The following TRIM48 variants were observed in gnomAD, a reference collection of about 807,000 sequenced individuals.
TRIM48 encodes the protein E3 ubiquitin-protein ligase TRIM48.
Under a neutral mutation model 29.5 loss-of-function variants are expected in TRIM48, and 31 were observed. The ratio of observed to expected loss-of-function variants is 1.05; its 90% CI spans 0.79 to 1.42. TRIM48 has a LOEUF of 1.42. Among genes scored for constraint, TRIM48 ranks in the 40% most tolerant of loss-of-function variants. TRIM48 has a pLI of 0.00. For synonymous variants in TRIM48, 128 were observed against 90.6 expected (o/e 1.41, Z -2.34); for missense variants, 344 against 265.0 (o/e 1.30, Z -2.07).
chr11:55,262,666 G>T (rs1857322546), intron 1 of TRIM48, among the ~76,000 whole-genome samples: 1 of 152,094 alleles, frequency 6.6e-6, no homozygotes, highest in East Asian at 1.9e-4. Context: ...AGACATTAAT[G>T]AATGTTCATT....
intron 3 of TRIM48, 102 bp downstream of exon 3, chr11:55,265,797 C>CAAAA (rs34036307): frequency 5.5e-4 from 465 of 848,356 alleles, no homozygotes; most frequent in East Asian, 1.8e-3. Flanking sequence ...TTCTGGGAGT[C>CAAAA]AAAAAAAAAA....
rs200362054 is a variant in TRIM48, at chr11:55,269,261, C to G, written c.598C>G (p.His200Asp). 30 of 1,575,704 alleles carry G rather than the reference C, an allele frequency of 1.9e-5. 4 individuals are homozygous for G. Among genetic ancestry groups the G allele is most frequent in the Non-Finnish European group, 2.5e-5 (29 of 1,166,020 alleles). ...TTGCAGGAGTGAGTCCGTGCTGCTG[C>G]ACATGCCCCAGCCTCTGAATCTAGC... ...ILYRSESVLL[H>D]MPQPLNLALR... The change falls in exon 5 of 6, where the codon CAC (histidine) becomes GAC (aspartate). Residue 200 changes from histidine to aspartate, a missense_variant. Physicochemically the swap from His to Asp is moderately conservative, Grantham distance 81. Transcript: ENST00000417545.
chr11:55,265,277 G>T lies in TRIM48; in HGVS notation c.422G>T (p.Arg141Ile). 5.7e-6 allele frequency: 9 copies of T among 1,582,394 alleles called. 1 individual carries two copies. The highest frequency in any genetic ancestry group is 7.7e-6 in the Non-Finnish European group (9 of 1,166,112). Residue 141 changes from arginine to isoleucine, a missense_variant, in exon 2 of 6, where the codon AGA (arginine) becomes ATA (isoleucine). By Grantham distance (97) the Arg-to-Ile change is moderately conservative. Transcript: ENST00000417545. ...AGCTCTCAGGAGCACCGGTATCACA[G>T]ACACTGTCCCGCTGAGTGGGCTGCT... ...CSSSQEHRYH[R>I]HCPAEWAAEE...
At chr11:55,269,810 T>G (rs1357533505) in intron 5 of TRIM48, among the ~76,000 whole-genome samples, 1 of 147,512 alleles carries the variant, frequency 6.8e-6, no homozygotes, top group Admixed American at 6.9e-5. Flanking sequence ...TGGGTAAAAA[T>G]AAAAAGAAAT....
At chr11:55,267,709 T>A in intron 3 of TRIM48, 1 of 1,529,694 alleles carries the variant, frequency 6.5e-7, no homozygotes, top group Admixed American at 1.9e-5. Context: ...ATGGCTGAAA[T>A]CCATCTCCCT....
rs1292562590 is a variant in TRIM48 at position 55,262,256 on chromosome 11, C to A, written c.-12C>A. The stretch of plus-strand genomic sequence containing the variant: ...AATGAGCTCCTGACCTTGAGGAGTA[C>A]TTAACAGAATTATGTCTCGAAGAAT... On this transcript the variant is annotated 5_prime_UTR_variant, in exon 1 of 6. Transcript: ENST00000417545. The A allele has an allele frequency of 3.2e-6, 5 of 1,548,476 alleles. No homozygotes were observed. In the Admixed American group the frequency reaches 9.8e-5, roughly 30 times the overall value.
rs201031596 is a variant in TRIM48, at chr11:55,265,042, C to T, written c.187C>T (p.Pro63Ser). The change falls in exon 2 of 6, where the codon CCA becomes TCA. Residue 63 changes from proline (P) to serine (S), a missense_variant. Transcript: ENST00000417545. ...TTTCTACCTCAACTGGCAAGACATC[C>T]CAATTCTTACTCAGTGCTTTGAATG... is the stretch of plus-strand genomic sequence containing the variant. ...PCFYLNWQDIPILTQCFECIK... is the reference protein window; with the variant it reads ...PCFYLNWQDISILTQCFECIK... The T allele has an allele frequency of 7.3e-5, 115 of 1,584,046 alleles. 9 individuals carry two copies. Among genetic ancestry groups the T allele is most frequent in the Non-Finnish European group, 9.8e-5 (114 of 1,166,182 alleles).
chr11:55,269,428 A>T, intron 5 of TRIM48, 89 bp downstream of exon 5: 6 of 1,463,668 alleles, frequency 4.1e-6, no homozygotes, highest in Non-Finnish European at 5.5e-6. Context: ...TTTATCAAAT[A>T]TTTTACTACT....
intron 5 of TRIM48, 34 bp downstream of exon 5, chr11:55,269,373 T>C: frequency 6.4e-7 from 1 of 1,562,912 alleles, no homozygotes; most frequent in South Asian, 1.2e-5. Context: ...ACCCCCACTA[T>C]CTAAATATTA....
chr11:55,262,190 G>C lies in TRIM48; in HGVS notation c.-78G>C. On this transcript the variant is annotated 5_prime_UTR_variant, in exon 1 of 6. Transcript: ENST00000417545. ...AAAGGAGAAGGAGTGCACTTAGAGG[G>C]AGCTGTGTTTTGGTGACCTCTGAAA... 2 of 1,100,722 alleles carry C rather than the reference G, an allele frequency of 1.8e-6. No individual in the cohort carries two copies. Among genetic ancestry groups the C allele is most frequent in the Non-Finnish European group, 2.7e-6 (2 of 737,528 alleles). The allele number at this position is 1,100,722 out of a possible 1,614,324, so 68.2% of individuals were successfully genotyped here.
chr11:55,267,665 T>G lies in TRIM48; in HGVS notation c.556-685T>G, dbSNP rs534382046. ...TACAAACTCGCAATGTGGTTTCAGG[T>G]TTTTGACTATTCACATGTATAAGTA... On this transcript the variant is annotated intron_variant, in intron 3 of 5. Transcript: ENST00000417545. 6 of 1,563,424 alleles carry G rather than the reference T, an allele frequency of 3.8e-6. 2 individuals are homozygous for G.
chr11:55,269,064 C>A (rs980414286), intron 4 of TRIM48, among the ~76,000 whole-genome samples, 178 bp from the exon 5 acceptor site: 8 of 148,578 alleles, frequency 5.4e-5, no homozygotes, highest in Middle Eastern at 7.0e-3. Flanking sequence ...GACTCTCCCA[C>A]TATGCTTTAA....
intron 5 of TRIM48, among the ~76,000 whole-genome samples, 169 bp downstream of exon 5, chr11:55,269,508 G>A (rs1487364240): frequency 6.8e-6 from 1 of 148,118 alleles, no homozygotes; most frequent in Non-Finnish European, 1.5e-5. Flanking sequence ...CAGATTTATA[G>A]CATTAAGATT....
At chr11:55,268,703 T>A (rs1312412533) in intron 4 of TRIM48, among the ~76,000 whole-genome samples, 1 of 147,772 alleles carries the variant, frequency 6.8e-6, no homozygotes, top group Non-Finnish European at 1.5e-5. Context: ...ATTTTAGCAG[T>A]GAAAAAGTTG....
chr11:55,269,241 G>T lies in TRIM48; in HGVS notation c.579-1G>T, dbSNP rs750079377. 7 of 1,573,822 alleles carry T rather than the reference G, an allele frequency of 4.4e-6. No individual in the cohort carries two copies. Among genetic ancestry groups the T allele is most frequent in the Non-Finnish European group, 5.1e-6 (6 of 1,165,922 alleles). On this transcript the variant is annotated splice_acceptor_variant, in intron 4 of 5. Coordinates refer to ENST00000417545, the MANE Select transcript of TRIM48 (RefSeq NM_024114.5). LOFTEE classifies it high-confidence loss of function. ...TTGTAACTGCAGGTTTTTCCTTGCAGGAGTGAGTCCGTGCTGCTGCACATG... is the reference window on the plus strand; with the variant it reads ...TTGTAACTGCAGGTTTTTCCTTGCATGAGTGAGTCCGTGCTGCTGCACATG...
At chr11:55,268,684 G>T (rs1010507055) in intron 4 of TRIM48, among the ~76,000 whole-genome samples, 1 of 147,858 alleles carries the variant, frequency 6.8e-6, no homozygotes, top group Non-Finnish European at 1.5e-5. Context: ...GGAGAGAAGT[G>T]GGGGAAGTAT....
rs916304013 is a variant in TRIM48 at position 55,262,203 on chromosome 11, G to T, written c.-65G>T. ...TGCACTTAGAGGGAGCTGTGTTTTG[G>T]TGACCTCTGAAACTCAGTACTGCAG... On this transcript the variant is annotated 5_prime_UTR_variant, in exon 1 of 6. Transcript: ENST00000417545. 19 of 1,326,130 alleles carry T rather than the reference G, an allele frequency of 1.4e-5. No homozygotes were observed. Among genetic ancestry groups the T allele is most frequent in the African/African-American group, 4.4e-5 (3 of 68,432 alleles). 82.1% of individuals were successfully genotyped at this position (1,326,130 alleles called of 1,614,324 possible).
At chr11:55,262,971 G>C (rs12099133) in intron 1 of TRIM48, among the ~76,000 whole-genome samples, 1 of 151,936 alleles carries the variant, frequency 6.6e-6, no homozygotes, top group East Asian at 1.9e-4. Context: ...ATTCAGCAGC[G>C]TTATCAAATA....
intron 1 of TRIM48, among the ~76,000 whole-genome samples, chr11:55,263,379 G>T (rs191792368): frequency 4.6e-5 from 7 of 151,942 alleles, no homozygotes; most frequent in African/African-American, 1.7e-4. Context: ...AAACCTAGGC[G>T]CAGTGACTCA....
Sources: allele counts gnomAD v4.1 joint callset (sites outside exome capture counted in the v4.1 genomes callset), GRCh38; gene constraint gnomAD v4.1.1; transcripts MANE v1.5; gene names NCBI Gene and HGNC (gene_info 2026-07-23, HGNC 2026-07-21).